The following CHODL variants were observed in gnomAD, a reference collection of about 807,000 sequenced individuals.
The protein encoded by CHODL is chondrolectin, also known as transmembrane protein MT75.
In CHODL, 29 loss-of-function variants were observed where a neutral mutation model predicts 34.5. The observed-to-expected ratio is 0.84, with a 90% CI of 0.63 to 1.15. The LOEUF (loss-of-function observed/expected upper bound fraction) is 1.15. CHODL is among the 50% of genes most tolerant of loss of function. CHODL has a pLI of 0.00. For synonymous variants in CHODL, 125 were observed against 116.1 expected, an observed-to-expected ratio of 1.08 and a Z score of -0.49; for missense variants, 332 against 332.5, an observed-to-expected ratio of 1.00 and a Z score of 0.01.
intron 2 of CHODL, among the ~76,000 whole-genome samples, chr21:18,221,983 G>A (rs1340350410): frequency 6.6e-6 from 1 of 152,182 alleles, no homozygotes; most frequent in Non-Finnish European, 1.5e-5. Flanking sequence ...GTGGGGGAGT[G>A]GGGTTGCTCT....
chr21:18,229,504 G>A (rs183299880), intron 2 of CHODL, among the ~76,000 whole-genome samples: 1 of 151,124 alleles, frequency 6.6e-6, no homozygotes, highest in East Asian at 1.9e-4. Context: ...AAACCAAAAT[G>A]TGTAAGCATG....
At chr21:17,946,976 C>T (rs2063414582) in intron 1 of CHODL, among the ~76,000 whole-genome samples, 1 of 151,930 alleles carries the variant, frequency 6.6e-6, no homozygotes, top group Non-Finnish European at 1.5e-5. Flanking sequence ...ATTATTTTCT[C>T]TAGTAGTATG....
intron 2 of CHODL, among the ~76,000 whole-genome samples, chr21:18,153,748 T>TTATA (rs60907444): frequency 0.031 from 4,752 of 151,954 alleles, 213 homozygotes; most frequent in African/African-American, 0.1. Flanking sequence ...GGACTATGTT[T>TTATA]TATATATATA....
intron 2 of CHODL, among the ~76,000 whole-genome samples, chr21:18,177,028 G>A (rs1203397526): frequency 6.6e-6 from 1 of 152,000 alleles, no homozygotes; most frequent in Non-Finnish European, 1.5e-5. Flanking sequence ...CTTGAGCTAT[G>A]AGGTTAATAA....
At position 18,094,691 on chromosome 21, in the gene CHODL, G is replaced by T. The variant is rs188091239; in HGVS notation, c.-45+66720G>T. Among the ~76,000 whole-genome samples, 427 of 145,004 alleles carry T rather than the reference G, an allele frequency of 2.9e-3. 2 individuals carry two copies. The highest frequency in any genetic ancestry group is 5.1e-3 in the Non-Finnish European group (341 of 66,412). ...AAACACAACATACCAAAACCTATGG[G>T]ATACAGCAAAAGCAGTACTAAGAGA... On this transcript the variant is annotated intron_variant, in intron 2 of 6. Transcript: ENST00000400127.
At chr21:18,217,326 G>A (rs2073840090) in intron 2 of CHODL, among the ~76,000 whole-genome samples, 1 of 152,040 alleles carries the variant, frequency 6.6e-6, no homozygotes, top group Non-Finnish European at 1.5e-5. Context: ...GGCTGGGGAG[G>A]CCTCAGGAAA....
At chr21:17,934,462 G>A (rs1337769424) in intron 1 of CHODL, among the ~76,000 whole-genome samples, 3 of 151,854 alleles carry the variant, frequency 2.0e-5, no homozygotes, top group African/African-American at 4.8e-5. Flanking sequence ...TTAGTATAGA[G>A]TGTTTTCATA....
At chr21:17,928,531 T>C (rs1050084904) in intron 1 of CHODL, among the ~76,000 whole-genome samples, 2 of 152,152 alleles carry the variant, frequency 1.3e-5, no homozygotes, top group Non-Finnish European at 2.9e-5. Context: ...GTGCTGAGCA[T>C]GGTACGTTTT....
At chr21:18,118,548 C>G (rs932657371) in intron 2 of CHODL, among the ~76,000 whole-genome samples, 1 of 152,140 alleles carries the variant, frequency 6.6e-6, no homozygotes, top group Non-Finnish European at 1.5e-5. Flanking sequence ...GTAGCCAATA[C>G]TGTAATGTTT....
Position 17,997,882 on chromosome 21 carries a change from C to T in CHODL, c.-144-29990C>T, listed in dbSNP as rs865790285. On this transcript the variant is annotated intron_variant, in intron 1 of 6. Transcript: ENST00000400127. ...GATTTGGATGGGGACACAGCCAAGC[C>T]GTATAATTCCACCCCTGGCCCCTCC... Among the ~76,000 whole-genome samples, 8 of 152,072 alleles carry T rather than the reference C, an allele frequency of 5.3e-5. 1 individual carries two copies. Among genetic ancestry groups the T allele is most frequent in the African/African-American group, 9.7e-5 (4 of 41,376 alleles).
chr21:18,180,877 A>C (rs2073373558), intron 2 of CHODL, among the ~76,000 whole-genome samples: 1 of 152,198 alleles, frequency 6.6e-6, no homozygotes, highest in South Asian at 2.1e-4. Context: ...TTTGAACTTC[A>C]ATTTCTCCAT....
At chr21:17,966,679 T>A (rs892879700) in intron 1 of CHODL, among the ~76,000 whole-genome samples, 1 of 152,158 alleles carries the variant, frequency 6.6e-6, no homozygotes, top group Non-Finnish European at 1.5e-5. Flanking sequence ...CCCATCAAAT[T>A]TTGTAGAGTT....
At chr21:18,224,612 G>T (rs1353975822) in intron 2 of CHODL, among the ~76,000 whole-genome samples, 1 of 152,056 alleles carries the variant, frequency 6.6e-6, no homozygotes, top group African/African-American at 2.4e-5. Context: ...TAAATTCTGA[G>T]CACAAATTAG....
intron 2 of CHODL, among the ~76,000 whole-genome samples, chr21:18,189,463 C>G (rs1471374334): frequency 2.0e-5 from 3 of 152,068 alleles, no homozygotes; most frequent in Non-Finnish European, 2.9e-5. Flanking sequence ...TTTCATTTAA[C>G]TTAGTCTAGT....
chr21:18,230,046 G>A (rs190062480), intron 2 of CHODL, among the ~76,000 whole-genome samples: 4 of 152,106 alleles, frequency 2.6e-5, no homozygotes, highest in Admixed American at 2.6e-4. Context: ...TTTTTGCGCA[G>A]TCATACAGTG....
chr21:18,216,999 A>G (rs1456450362), intron 2 of CHODL, among the ~76,000 whole-genome samples: 1 of 152,078 alleles, frequency 6.6e-6, no homozygotes, highest in African/African-American at 2.4e-5. Context: ...ATCCTTTTTT[A>G]TTGCTGAAAA....
chr21:17,925,766 C>A (rs2146313554), intron 1 of CHODL, among the ~76,000 whole-genome samples: 1 of 152,140 alleles, frequency 6.6e-6, no homozygotes, highest in East Asian at 1.9e-4. Context: ...TATAAGTGAG[C>A]CACACACTTT....
intron 2 of CHODL, among the ~76,000 whole-genome samples, chr21:18,167,235 G>C (rs1454129369): frequency 1.3e-5 from 2 of 150,550 alleles, no homozygotes; most frequent in African/African-American, 4.9e-5. Flanking sequence ...GTGTGTGTGT[G>C]TGTGTGTGTG....
At chr21:18,027,024 C>T (rs1009660519) in intron 1 of CHODL, among the ~76,000 whole-genome samples, 3 of 152,030 alleles carry the variant, frequency 2.0e-5, no homozygotes, top group Non-Finnish European at 4.4e-5. Flanking sequence ...TGTCTGTGAT[C>T]CTAGTGCTTT....
Sources: allele counts gnomAD v4.1 joint callset (sites outside exome capture counted in the v4.1 genomes callset), GRCh38; gene constraint gnomAD v4.1.1; transcripts MANE v1.5; gene names NCBI Gene and HGNC (gene_info 2026-07-23, HGNC 2026-07-21).